The following KDM4C variants were observed in gnomAD, a reference collection of about 807,000 sequenced individuals.
KDM4C encodes the protein lysine-specific demethylase 4C.
In KDM4C, 81 loss-of-function variants were observed where a neutral mutation model predicts 129.3. The observed-to-expected ratio is 0.63, with a 90% CI of 0.52 to 0.75. The LOEUF is 0.75. Ranked by LOEUF, KDM4C falls within the 30% of genes least tolerant of loss-of-function variation. KDM4C has a pLI of 0.00. For synonymous variants in KDM4C, 573 were observed against 456.1 expected (o/e 1.26, Z -3.26); for missense variants, 1,457 against 1,304.0 (o/e 1.12, Z -1.81).
At chr9:6,854,834 C>A (rs963860710) in intron 5 of KDM4C, among the ~76,000 whole-genome samples, 3 of 152,196 alleles carry the variant, frequency 2.0e-5, no homozygotes, top group African/African-American at 7.2e-5. Flanking sequence ...TTGTGTAGTA[C>A]TTACCAGCAC....
intron 8 of KDM4C, among the ~76,000 whole-genome samples, chr9:6,954,805 C>G (rs1055751122): frequency 1.3e-5 from 2 of 152,136 alleles, no homozygotes; most frequent in Admixed American, 1.3e-4. Context: ...GTACCCACTC[C>G]CTATTTCATG....
chr9:6,741,533 T>A lies in KDM4C; in HGVS notation c.49+20536T>A, dbSNP rs890079965. ...TGTTCCTAGCTTCCTTCTGATGTAATTTCTCTTATATCTGAACTTATGGCA... is the reference window on the plus strand; with the variant it reads ...TGTTCCTAGCTTCCTTCTGATGTAAATTCTCTTATATCTGAACTTATGGCA... On this transcript the variant is annotated intron_variant, in intron 1 of 17. Transcript: ENST00000536108. Among the ~76,000 whole-genome samples the A allele has an allele frequency of 2.6e-5, 4 of 152,190 alleles. No individual in the cohort carries two copies. In the East Asian group the frequency reaches 7.7e-4, roughly 29 times the overall value.
intron 12 of KDM4C, among the ~76,000 whole-genome samples, chr9:6,997,768 G>A (rs181304558): frequency 1.1e-3 from 168 of 152,334 alleles, no homozygotes; most frequent in Middle Eastern, 3.4e-3. Flanking sequence ...TAACCTGTAA[G>A]TTCATATATG....
rs548575307 is a variant in KDM4C at position 7,037,548 on chromosome 9, C to T, written c.2260-9314C>T. 6.8e-4 allele frequency among the ~76,000 whole-genome samples: 104 copies of T among 152,138 alleles called. 1 individual carries two copies. The highest frequency in any genetic ancestry group is 2.4e-3 in the African/African-American group (99 of 41,526). On this transcript the variant is annotated intron_variant, in intron 15 of 21. Coordinates refer to ENST00000381309, the MANE Select transcript of KDM4C (RefSeq NM_015061.6). ...AGAAATCATTCCATGTTATGAATTG[C>T]TATGCTAACTTTTCATCTCAGTGGT...
chr9:6,829,569 T>C (rs1834460293), intron 4 of KDM4C, among the ~76,000 whole-genome samples: 1 of 152,240 alleles, frequency 6.6e-6, no homozygotes, highest in South Asian at 2.1e-4. Context: ...AAGCTCAGAC[T>C]GAATGTTAGG....
intron 14 of KDM4C, 162 bp downstream of exon 14, chr9:7,014,163 G>T (rs575079407): frequency 1.7e-6 from 1 of 602,076 alleles, no homozygotes; most frequent in Non-Finnish European, 2.9e-6. Context: ...GTATGAGTTG[G>T]TATATTCATC....
At chr9:7,007,954 G>A (rs530914130) in intron 12 of KDM4C, among the ~76,000 whole-genome samples, 2 of 152,198 alleles carry the variant, frequency 1.3e-5, no homozygotes, top group East Asian at 3.9e-4. Context: ...TCCCCTGGCA[G>A]AAACATCGAT....
chr9:6,865,365 A>G (rs980313685), intron 5 of KDM4C, among the ~76,000 whole-genome samples: 2 of 152,182 alleles, frequency 1.3e-5, no homozygotes, highest in Non-Finnish European at 2.9e-5. Flanking sequence ...CTTGGAGATT[A>G]CTGGTTTCCT....
intron 1 of KDM4C, among the ~76,000 whole-genome samples, chr9:6,778,011 C>G (rs1328350382): frequency 6.6e-6 from 1 of 150,672 alleles, no homozygotes; most frequent in East Asian, 2.0e-4. Context: ...GCCTTGAACT[C>G]TTGGACTCAG....
chr9:7,117,413 ACCC>A (rs1345985645), intron 18 of KDM4C, among the ~76,000 whole-genome samples: 2 of 152,002 alleles, frequency 1.3e-5, no homozygotes. Flanking sequence ...ACTGAGTGAT[ACCC>A]TGTGTCGCTT....
intron 17 of KDM4C, among the ~76,000 whole-genome samples, chr9:7,085,933 A>G (rs1835062633): frequency 6.6e-6 from 1 of 152,164 alleles, no homozygotes; most frequent in South Asian, 2.1e-4. Flanking sequence ...AGGCAGGTGG[A>G]TCGCCTGAAG....
Position 6,798,854 on chromosome 9 carries a change from T to G in KDM4C, c.144+5722T>G, listed in dbSNP as rs369927876. On this transcript the variant is annotated intron_variant, in intron 2 of 21. Coordinates refer to ENST00000381309, the MANE Select transcript of KDM4C (RefSeq NM_015061.6). ...CCCCTCACTTCTCAGACGGGGCGGC[T>G]GCCGGGCGGAGGGTCTCCTCACTTC... is the stretch of plus-strand genomic sequence containing the variant. 3.5e-4 allele frequency among the ~76,000 whole-genome samples: 52 copies of G among 148,518 alleles called. No individual in the cohort carries two copies. In the East Asian group the frequency reaches 1.0e-2, roughly 28 times the overall value.
At chr9:7,041,043 A>C (rs866336373) in intron 15 of KDM4C, among the ~76,000 whole-genome samples, 2 of 147,346 alleles carry the variant, frequency 1.4e-5, no homozygotes, top group African/African-American at 5.0e-5. Flanking sequence ...TTTTCCCTAG[A>C]TCTGTATTGG....
intron 19 of KDM4C, among the ~76,000 whole-genome samples, chr9:7,129,132 T>C (rs1343814972): frequency 6.6e-6 from 1 of 152,190 alleles, no homozygotes; most frequent in Non-Finnish European, 1.5e-5. Context: ...TGGGTCTCTG[T>C]TGATGCTTTG....
chr9:7,094,327 G>C (rs1038265748), intron 17 of KDM4C, among the ~76,000 whole-genome samples: 3 of 152,068 alleles, frequency 2.0e-5, no homozygotes, highest in African/African-American at 7.2e-5. Context: ...AAAGGTAAAA[G>C]GAATTTCTTT....
chr9:6,868,525 C>T (rs1026349863), intron 5 of KDM4C, among the ~76,000 whole-genome samples: 4 of 152,090 alleles, frequency 2.6e-5, no homozygotes, highest in African/African-American at 9.7e-5. Context: ...ATATAAAGTG[C>T]GTGGTAGTTA....
intron 4 of KDM4C, among the ~76,000 whole-genome samples, chr9:6,818,252 G>C (rs1157221336): frequency 6.6e-6 from 1 of 152,118 alleles, no homozygotes; most frequent in East Asian, 1.9e-4. Flanking sequence ...GTTTCTTTTA[G>C]CACAAGCCAC....
chr9:7,170,082 A>G (rs570939447), intron 21 of KDM4C, 192 bp downstream of exon 21: 52 of 1,490,008 alleles, frequency 3.5e-5, no homozygotes, highest in South Asian at 1.0e-4. Flanking sequence ...AAATTAATGC[A>G]TGTGCTTTAC....
chr9:6,853,428 G>A (rs1839211122), intron 5 of KDM4C, among the ~76,000 whole-genome samples: 2 of 152,174 alleles, frequency 1.3e-5, no homozygotes, highest in African/African-American at 2.4e-5. Context: ...GGGAGGTCAA[G>A]GCTGCAGTGA....
Sources: allele counts gnomAD v4.1 joint callset (sites outside exome capture counted in the v4.1 genomes callset), GRCh38; gene constraint gnomAD v4.1.1; transcripts MANE v1.5; gene names NCBI Gene and HGNC (gene_info 2026-07-23, HGNC 2026-07-21).